Variants in MET observed in about 807,000 individuals in gnomAD.
MET encodes MET proto-oncogene, receptor tyrosine kinase, also known as hepatocyte growth factor receptor.
MET carries 48 observed loss-of-function variants against 133.1 expected under a neutral mutation model. The observed-to-expected ratio is 0.36, with a 90% CI of 0.29 to 0.46. The LOEUF (loss-of-function observed/expected upper bound fraction) is 0.46. Ranked by LOEUF, MET falls within the 20% of genes least tolerant of loss-of-function variation. The pLI, the probability that MET is intolerant of heterozygous loss-of-function variation, is 1.00. For synonymous variants in MET, 628 were observed against 616.5 expected (o/e 1.02, Z -0.28); for missense variants, 1,442 against 1,695.9 (o/e 0.85, Z 2.63).
chr7:116,724,200 A>G, intron 2 of MET: 1 of 167,132 alleles, frequency 6.0e-6, no homozygotes, highest in Non-Finnish European at 1.3e-5. Flanking sequence ...CCGTTTTTTA[A>G]GCCGGTCCGA....
intron 2 of MET, among the ~76,000 whole-genome samples, chr7:116,721,287 G>A (rs1792473865): frequency 1.3e-5 from 2 of 152,188 alleles, no homozygotes; most frequent in Admixed American, 1.3e-4. Flanking sequence ...AGTGTTTGTA[G>A]TATTCTCTGA....
At chr7:116,791,279 A>C (rs909974334) in intron 19 of MET, among the ~76,000 whole-genome samples, 1 of 152,046 alleles carries the variant, frequency 6.6e-6, no homozygotes, top group Non-Finnish European at 1.5e-5. Flanking sequence ...ACTGCCAACT[A>C]TTTTTCAAAG....
intron 19 of MET, among the ~76,000 whole-genome samples, chr7:116,794,813 T>A (rs140435978): frequency 6.6e-6 from 1 of 152,338 alleles, no homozygotes; most frequent in Non-Finnish European, 1.5e-5. Context: ...CATTCTTGCA[T>A]GGGCACATGT....
intron 1 of MET, among the ~76,000 whole-genome samples, chr7:116,688,784 A>G (rs568351783): frequency 6.6e-6 from 1 of 152,324 alleles, no homozygotes; most frequent in African/African-American, 2.4e-5. Context: ...TGTTACAACT[A>G]GAAAATGCAC....
At chr7:116,683,550 C>T (rs1159613194) in intron 1 of MET, among the ~76,000 whole-genome samples, 3 of 152,204 alleles carry the variant, frequency 2.0e-5, no homozygotes, top group Non-Finnish European at 2.9e-5. Context: ...CTCCTGTTTT[C>T]ATTTTAGCCT....
intron 5 of MET, among the ~76,000 whole-genome samples, chr7:116,754,986 A>AAGAAAGAAAGAAAGAAAG (rs1485456789): frequency 6.4e-4 from 86 of 135,382 alleles, no homozygotes; most frequent in Admixed American, 6.0e-3. Context: ...AGAGAAAGGA[A>AAGAAAGAAAGAAAGAAAG]AGAAAGAAAG....
At chr7:116,734,964 C>T (rs1793156577) in intron 3 of MET, among the ~76,000 whole-genome samples, 1 of 152,132 alleles carries the variant, frequency 6.6e-6, no homozygotes, top group African/African-American at 2.4e-5. Context: ...TTGTATAAGG[C>T]TTTTAATCTC....
At chr7:116,773,858 A>G (rs972261287) in intron 14 of MET, among the ~76,000 whole-genome samples, 1 of 152,222 alleles carries the variant, frequency 6.6e-6, no homozygotes, top group Admixed American at 6.5e-5. Flanking sequence ...GGAATAGTCA[A>G]GGTACTAACA....
intron 1 of MET, among the ~76,000 whole-genome samples, chr7:116,694,661 T>G (rs1160090283): frequency 6.6e-6 from 1 of 152,068 alleles, no homozygotes; most frequent in Non-Finnish European, 1.5e-5. Context: ...AAAACATAAT[T>G]TAATATAATA....
intron 15 of MET, among the ~76,000 whole-genome samples, 163 bp downstream of exon 15, chr7:116,775,274 CA>C (rs1348537909): frequency 2.6e-5 from 4 of 152,222 alleles, no homozygotes; most frequent in African/African-American, 9.7e-5. Flanking sequence ...CCCTGTAAAT[CA>C]TATCCGTGGG....
At chr7:116,731,982 C>G (rs1793028822) in intron 3 of MET, 123 bp downstream of exon 3, 1 of 949,474 alleles carries the variant, frequency 1.1e-6, no homozygotes, top group Non-Finnish European at 1.7e-6. Flanking sequence ...GAAACTGGAA[C>G]ACAGACTGAA....
At chr7:116,702,784 C>T (rs1791628436) in intron 2 of MET, among the ~76,000 whole-genome samples, 1 of 152,180 alleles carries the variant, frequency 6.6e-6, no homozygotes. Context: ...TCTGCCCAGT[C>T]CTCAGTGTTG....
chr7:116,780,714 G>T (rs1795131954), intron 17 of MET, among the ~76,000 whole-genome samples: 1 of 152,194 alleles, frequency 6.6e-6, no homozygotes, highest in Non-Finnish European at 1.5e-5. Flanking sequence ...TATGCTGTGT[G>T]CATTGAGTGG....
intron 6 of MET, among the ~76,000 whole-genome samples, chr7:116,756,257 A>G (rs1397219098): frequency 6.6e-6 from 1 of 152,218 alleles, no homozygotes; most frequent in Non-Finnish European, 1.5e-5. Flanking sequence ...TTTGAATTCC[A>G]TAATCATCAG....
chr7:116,716,467 GAGAAAGAAAGAAAGAA>G (rs531059164), intron 2 of MET, among the ~76,000 whole-genome samples: 4,477 of 108,236 alleles, frequency 0.041, 114 homozygotes, highest in African/African-American at 0.067. Flanking sequence ...AAGAAAGAAA[GAGAAAGAAAGAAAGAA>G]AGAAAGAAAG....
intron 2 of MET, among the ~76,000 whole-genome samples, chr7:116,713,843 T>C (rs1584892477): frequency 6.6e-6 from 1 of 152,216 alleles, no homozygotes; most frequent in East Asian, 1.9e-4. Flanking sequence ...AAGACATTTA[T>C]CACCTGTTTC....
At chr7:116,767,149 G>A (rs962012523) in intron 11 of MET, among the ~76,000 whole-genome samples, 5 of 152,154 alleles carry the variant, frequency 3.3e-5, no homozygotes, top group Non-Finnish European at 5.9e-5. Context: ...CCACCTGGGT[G>A]TATGAAAACT....
intron 2 of MET, among the ~76,000 whole-genome samples, chr7:116,716,283 GGGAGA>G: frequency 1.0e-5 from 1 of 100,478 alleles, no homozygotes. Context: ...GAGGGAGAGA[GGGAGA>G]GAGAGAGAGA....
chr7:116,723,021 G>A (rs1299364568), intron 2 of MET, among the ~76,000 whole-genome samples: 39 of 146,794 alleles, frequency 2.7e-4, no homozygotes, highest in Non-Finnish European at 4.5e-5. Flanking sequence ...GAATCTGAAC[G>A]TTGGCCTGCC....
Sources: gnomAD v4.1 joint callset for allele counts (sites outside exome capture counted in the v4.1 genomes callset) on GRCh38, gnomAD v4.1.1 for gene constraint, MANE v1.5 for transcripts, NCBI Gene and HGNC (gene_info 2026-07-23, HGNC 2026-07-21) for gene names.